Variants in CES3 observed in about 807,000 individuals in gnomAD.
The protein encoded by CES3 is carboxylesterase 3 (brain).
A neutral mutation model predicts 57.6 loss-of-function variants in CES3; 49 were observed. The ratio of observed to expected loss-of-function variants is 0.85; its 90% CI spans 0.68 to 1.08. The LOEUF is 1.08. Ranked by LOEUF, CES3 falls within the 50% of genes least tolerant of loss-of-function variation. The probability of loss-of-function intolerance (pLI) is 0.00; values close to 1 mark genes in which losing one functional copy is unlikely to be tolerated. For missense variants in CES3, 645 were observed against 742.0 expected (o/e 0.87, Z 1.52); for synonymous variants, 266 against 281.6 (o/e 0.94, Z 0.55).
intron 10 of CES3, among the ~76,000 whole-genome samples, 158 bp downstream of exon 10, chr16:66,971,477 T>G (rs575636198): frequency 6.6e-6 from 1 of 152,242 alleles, no homozygotes; most frequent in South Asian, 2.1e-4. Flanking sequence ...TGGGATGCAG[T>G]GTCATAGTAA....
At chr16:66,972,064 G>A (rs1015490917) in intron 10 of CES3, among the ~76,000 whole-genome samples, 23 of 152,114 alleles carry the variant, frequency 1.5e-4, no homozygotes, top group African/African-American at 5.6e-4. Flanking sequence ...TTGAGCGCGG[G>A]AGTCTCAGGC....
chr16:66,961,458 G>T (rs1963650681), intron 1 of CES3, 69 bp downstream of exon 1: 3 of 1,324,768 alleles, frequency 2.3e-6, no homozygotes, highest in Non-Finnish European at 3.2e-6. Context: ...CAGGGACAGG[G>T]AGCAGTGGGC....
chr16:66,967,402 G>T, intron 8 of CES3: 1 of 664,854 alleles, frequency 1.5e-6, no homozygotes, highest in Non-Finnish European at 1.9e-6. Context: ...TGGCCTTCTG[G>T]GCACTGCTGA....
chr16:66,972,675 A>G lies in CES3; in HGVS notation c.1449A>G (p.Pro483=), dbSNP rs1355592383. ...LMDESSRLAF[P]EATEEEKQLS... The stretch of plus-strand genomic sequence containing the variant: ...TCCCTCTCACCTTTCCAGCCTTTCC[A>G]GAGGCCACAGAGGAGGAGAAGCAGC... Residue 483 remains proline (P), a synonymous_variant, in exon 12 of 13, where the codon CCA becomes CCG. Transcript: ENST00000303334. 6.2e-7 allele frequency: 1 copy of G among 1,614,178 alleles called. No individual in the cohort carries two copies. The highest frequency in any genetic ancestry group is 8.5e-7 in the Non-Finnish European group (1 of 1,180,030).
At chr16:66,972,286 C>G in intron 10 of CES3, 70 bp from the exon 11 acceptor site, 1 of 1,409,664 alleles carries the variant, frequency 7.1e-7, no homozygotes. Flanking sequence ...TTATTATGAG[C>G]ATGTGCTGCC....
In CES3 at chr16:66,973,266, C is replaced by T; in HGVS notation, c.*217C>T. 1 of 559,948 alleles carries T rather than the reference C, an allele frequency of 1.8e-6. No homozygotes were observed. The highest frequency in any genetic ancestry group is 3.2e-6 in the Non-Finnish European group (1 of 313,096). 34.7% of individuals were successfully genotyped at this position (559,948 alleles called of 1,614,324 possible). ...CAAGTTCTTCCCTCTCCCTGAAGTGCCTTTCCTGCTTTCTTCGTGGTAGGT... is the reference window on the plus strand; with the variant it reads ...CAAGTTCTTCCCTCTCCCTGAAGTGTCTTTCCTGCTTTCTTCGTGGTAGGT... On this transcript the variant is annotated 3_prime_UTR_variant, in exon 13 of 13. Coordinates refer to ENST00000303334, the MANE Select transcript of CES3 (RefSeq NM_024922.6).
chr16:66,967,868 C>A (rs1353924517), intron 8 of CES3: 3 of 623,010 alleles, frequency 4.8e-6, no homozygotes, highest in Non-Finnish European at 6.0e-6. Context: ...CCCGAGCAAT[C>A]CTCCCAGCTT....
chr16:66,972,462 T>C lies in CES3; in HGVS notation c.1398T>C (p.Phe466=). 1 of 1,613,986 alleles carries C rather than the reference T, an allele frequency of 6.2e-7. No homozygotes were observed. The highest frequency in any genetic ancestry group is 8.5e-7 in the Non-Finnish European group (1 of 1,179,984). The stretch of plus-strand genomic sequence containing the variant: ...CTGATCATGGGGCCGAGGGTGCTTT[T>C]GTGTTCGGAGGTCCCTTCCTCATGG... ...VKADHGAEGA[F]VFGGPFLMDE... The change falls in exon 11 of 13, where the codon TTT becomes TTC. Residue 466 remains phenylalanine (F), a synonymous_variant. Coordinates refer to ENST00000303334, the MANE Select transcript of CES3 (RefSeq NM_024922.6).
At chr16:66,961,750 G>T (rs1963654430) in intron 1 of CES3, among the ~76,000 whole-genome samples, 1 of 152,086 alleles carries the variant, frequency 6.6e-6, no homozygotes, top group Non-Finnish European at 1.5e-5. Flanking sequence ...TTTTAGGAGA[G>T]ATGGGGTTTC....
At chr16:66,970,499 G>T (rs1229454160) in intron 9 of CES3, among the ~76,000 whole-genome samples, 2 of 152,224 alleles carry the variant, frequency 1.3e-5, no homozygotes, top group African/African-American at 4.8e-5. Context: ...AGGGGCAGAG[G>T]CAGAGTTTAA....
At chr16:66,966,956 C>A in intron 8 of CES3, 91 bp downstream of exon 8, 2 of 1,450,468 alleles carry the variant, frequency 1.4e-6, no homozygotes. Flanking sequence ...GTGAACGGAG[C>A]ACTCCCGTTA....
At chr16:66,972,048 G>A (rs1963842165) in intron 10 of CES3, among the ~76,000 whole-genome samples, 2 of 152,166 alleles carry the variant, frequency 1.3e-5, no homozygotes, top group Admixed American at 6.5e-5. Flanking sequence ...GAAGTGGGAA[G>A]ATCACTTGAG....
intron 8 of CES3, 22 bp from the exon 9 acceptor site, chr16:66,969,657 G>A: frequency 4.3e-6 from 7 of 1,609,746 alleles, no homozygotes; most frequent in Non-Finnish European, 5.9e-6. Context: ...GCTCCACTGA[G>A]AGGGCCTTGG....
At position 66,963,758 on chromosome 16, in the gene CES3, G is replaced by A; in HGVS notation, c.427-44G>A. On this transcript the variant is annotated intron_variant, in intron 3 of 12. Coordinates refer to ENST00000303334, the MANE Select transcript of CES3 (RefSeq NM_024922.6). This position sits in a 1 kb window ranked among gnomAD's most constrained non-coding sequence, Gnocchi z 4.9. ...CTGGGCTGGCAGGTGGGCAGCTAAG[G>A]TCTCAGGAGCTTGGGGGTCAGTGCC... is the stretch of plus-strand genomic sequence containing the variant. The A allele has an allele frequency of 1.2e-6, 2 of 1,609,806 alleles. No homozygotes were observed. The highest frequency in any genetic ancestry group is 1.7e-6 in the Non-Finnish European group (2 of 1,176,382).
At chr16:66,967,824 C>A in intron 8 of CES3, 1 of 912,144 alleles carries the variant, frequency 1.1e-6, no homozygotes, top group African/African-American at 1.8e-5. Flanking sequence ...TGCAGCAGCG[C>A]CATCATGACT....
In CES3 at chr16:66,971,288, TC is replaced by T. The variant is rs1057126538; in HGVS notation, c.1263del (p.Thr422ProfsTer35). 6.2e-7 allele frequency: 1 copy of T among 1,613,908 alleles called. No individual in the cohort carries two copies. The highest frequency in any genetic ancestry group is 1.3e-5 in the African/African-American group (1 of 74,922). On this transcript the variant is annotated frameshift_variant, in exon 10 of 13. Coordinates refer to ENST00000303334, the MANE Select transcript of CES3 (RefSeq NM_024922.6). LOFTEE classifies it high-confidence loss of function. ...EFMGDVFINV[P>X]TVSFSRYLRD... The stretch of plus-strand genomic sequence containing the variant: ...TCATGGGTGACGTATTCATCAATGT[TC>T]CCACCGTCAGTTTTTCAAGATACCT...
intron 9 of CES3, among the ~76,000 whole-genome samples, chr16:66,970,223 C>T (rs1478557990): frequency 6.6e-6 from 1 of 151,874 alleles, no homozygotes; most frequent in Non-Finnish European, 1.5e-5. Flanking sequence ...ATTCTCCTGC[C>T]TCAGCCTCCC....
At chr16:66,968,132 T>C (rs191346634) in intron 8 of CES3, among the ~76,000 whole-genome samples, 2 of 152,260 alleles carry the variant, frequency 1.3e-5, no homozygotes, top group Admixed American at 6.5e-5. Context: ...ATCTTGGCAT[T>C]TGGGCATCTT....
intron 8 of CES3, 98 bp from the exon 9 acceptor site, chr16:66,969,581 T>G: frequency 8.4e-7 from 1 of 1,195,366 alleles, no homozygotes; most frequent in Non-Finnish European, 1.2e-6. Context: ...CATGATGAGT[T>G]TCTGGCCTCA....
Sources: allele counts gnomAD v4.1 joint callset (sites outside exome capture counted in the v4.1 genomes callset), GRCh38; gene constraint gnomAD v4.1.1; non-coding constraint Gnocchi (gnomAD v3.1); transcripts MANE v1.5; gene names NCBI Gene and HGNC (gene_info 2026-07-23, HGNC 2026-07-21).